CLSTN2: variants seen among roughly 807,000 people sequenced by gnomAD.
CLSTN2 encodes calsyntenin 2.
CLSTN2 carries 48 observed loss-of-function variants against 101.2 expected under a neutral mutation model. That is an observed-to-expected ratio of 0.47 (90% CI 0.38 to 0.60). The LOEUF is 0.60. Among genes scored for constraint, CLSTN2 ranks in the 20% least tolerant of loss-of-function variants. CLSTN2 has a pLI of 0.00. For missense variants in CLSTN2, 1,160 were observed against 1,238.2 expected (o/e 0.94, Z 0.95); for synonymous variants, 481 against 463.6 (o/e 1.04, Z -0.48).
intron 8 of CLSTN2, among the ~76,000 whole-genome samples, chr3:140,472,862 T>C (rs1342646880): frequency 6.6e-6 from 1 of 152,154 alleles, no homozygotes; most frequent in Non-Finnish European, 1.5e-5. Context: ...GTGAACCTAG[T>C]CTCTCTTTAT....
At chr3:140,243,631 AC>A (rs572758302) in intron 2 of CLSTN2, among the ~76,000 whole-genome samples, 82 of 152,312 alleles carry the variant, frequency 5.4e-4, no homozygotes, top group South Asian at 2.3e-3. Flanking sequence ...AAAGATCTCC[AC>A]TGTACTAGGC....
At chr3:140,159,496 G>T (rs1010932031) in intron 1 of CLSTN2, among the ~76,000 whole-genome samples, 1 of 152,046 alleles carries the variant, frequency 6.6e-6, no homozygotes, top group Non-Finnish European at 1.5e-5. Flanking sequence ...CATTACAATG[G>T]CTATTATAAA....
intron 1 of CLSTN2, among the ~76,000 whole-genome samples, chr3:140,041,801 G>A (rs186966078): frequency 3.7e-4 from 57 of 152,280 alleles, no homozygotes; most frequent in African/African-American, 1.3e-3. Context: ...CACAGAGGAA[G>A]GAAATTGTCT....
At chr3:140,203,198 T>C (rs1054938780) in intron 2 of CLSTN2, among the ~76,000 whole-genome samples, 1 of 152,184 alleles carries the variant, frequency 6.6e-6, no homozygotes, top group African/African-American at 2.4e-5. Flanking sequence ...AGTGATCAAG[T>C]GCTGCTGCTA....
chr3:140,286,123 C>T (rs1053969808), intron 2 of CLSTN2, among the ~76,000 whole-genome samples: 5 of 152,154 alleles, frequency 3.3e-5, no homozygotes, highest in African/African-American at 1.2e-4. Context: ...TCCCCAATTT[C>T]TGAGCAGCTG....
At chr3:140,474,504 C>T (rs764144354) in intron 8 of CLSTN2, among the ~76,000 whole-genome samples, 38 of 152,144 alleles carry the variant, frequency 2.5e-4, no homozygotes, top group Non-Finnish European at 5.4e-4. Flanking sequence ...GGTGCCAAAT[C>T]GCCTTACCTG....
chr3:140,306,656 G>T (rs1049667006), intron 2 of CLSTN2, among the ~76,000 whole-genome samples: 13 of 152,040 alleles, frequency 8.6e-5, no homozygotes, highest in African/African-American at 2.7e-4. Context: ...AGCTAGTTTT[G>T]CCTGGTCATT....
At chr3:140,379,075 C>T (rs2087951034) in intron 2 of CLSTN2, among the ~76,000 whole-genome samples, 3 of 152,210 alleles carry the variant, frequency 2.0e-5, no homozygotes, top group South Asian at 4.1e-4. Flanking sequence ...GCACATTCTG[C>T]TCCATTCCAA....
intron 1 of CLSTN2, among the ~76,000 whole-genome samples, chr3:140,014,761 G>A (rs1258283529): frequency 1.3e-5 from 2 of 152,330 alleles, no homozygotes; most frequent in South Asian, 2.1e-4. Flanking sequence ...GAGACAGGAT[G>A]AGATGGCAGA....
chr3:140,320,395 GGAGAA>G (rs2087271069), intron 2 of CLSTN2, among the ~76,000 whole-genome samples: 1 of 152,140 alleles, frequency 6.6e-6, no homozygotes, highest in Non-Finnish European at 1.5e-5. Context: ...CCTAGAAGAA[GGAGAA>G]GAGTGAGCGA....
At chr3:140,009,565 C>G (rs921112857) in intron 1 of CLSTN2, among the ~76,000 whole-genome samples, 1 of 152,136 alleles carries the variant, frequency 6.6e-6, no homozygotes, top group Admixed American at 6.5e-5. Context: ...GAGACCTGCT[C>G]ATTTCTTCTA....
At chr3:140,517,160 C>T (rs1429629976) in intron 8 of CLSTN2, among the ~76,000 whole-genome samples, 2 of 152,140 alleles carry the variant, frequency 1.3e-5, no homozygotes, top group African/African-American at 4.8e-5. Context: ...CTAAGTGTGT[C>T]CCTCCTCTCC....
At chr3:140,309,526 A>G (rs2087145134) in intron 2 of CLSTN2, among the ~76,000 whole-genome samples, 1 of 152,022 alleles carries the variant, frequency 6.6e-6, no homozygotes, top group Non-Finnish European at 1.5e-5. Context: ...AGTATCATGG[A>G]GGGCAAGTGT....
In CLSTN2 at chr3:140,534,966, C is replaced by T. The variant is rs147064983; in HGVS notation, c.1507+2480C>T. Among the ~76,000 whole-genome samples the T allele has an allele frequency of 8.5e-5, 13 of 152,296 alleles. No homozygotes were observed. In the East Asian group the frequency reaches 1.3e-3, roughly 16 times the overall value. ...TTCCAGGCTCAATGTCCAAGCTTTCCGAGTGATTTCTAGTGATCGCCTCAT... is the reference window on the plus strand; with the variant it reads ...TTCCAGGCTCAATGTCCAAGCTTTCTGAGTGATTTCTAGTGATCGCCTCAT... On this transcript the variant is annotated intron_variant, in intron 9 of 16. Transcript: ENST00000458420.
intron 9 of CLSTN2, among the ~76,000 whole-genome samples, chr3:140,535,784 T>C (rs349542): frequency 0.43 from 65,287 of 152,154 alleles, 16,982 homozygotes; most frequent in African/African-American, 0.72. Flanking sequence ...TACCCAAAGT[T>C]GCTCAATTGA....
intron 8 of CLSTN2, among the ~76,000 whole-genome samples, chr3:140,485,239 T>C (rs1934212075): frequency 6.6e-6 from 1 of 152,236 alleles, no homozygotes; most frequent in Non-Finnish European, 1.5e-5. Context: ...CCTGTTTTCC[T>C]GGGTATCAGC....
chr3:140,235,666 G>T (rs1343576763), intron 2 of CLSTN2, among the ~76,000 whole-genome samples: 1 of 152,168 alleles, frequency 6.6e-6, no homozygotes, highest in African/African-American at 2.4e-5. Flanking sequence ...TGTACCAGCA[G>T]ATTCCAGAGC....
chr3:139,990,790 C>T (rs1936101016), intron 1 of CLSTN2, among the ~76,000 whole-genome samples: 1 of 152,182 alleles, frequency 6.6e-6, no homozygotes, highest in Admixed American at 6.5e-5. Context: ...GTAGTTCTCA[C>T]TGTAATGGTT....
chr3:140,008,370 G>A (rs114553087), intron 1 of CLSTN2, among the ~76,000 whole-genome samples: 141 of 152,348 alleles, frequency 9.3e-4, no homozygotes, highest in African/African-American at 3.3e-3. Context: ...GGCTCAGGTC[G>A]CCTCTGCTCC....
Sources: gnomAD v4.1 joint callset for allele counts (sites outside exome capture counted in the v4.1 genomes callset) on GRCh38, gnomAD v4.1.1 for gene constraint, MANE v1.5 for transcripts, NCBI Gene and HGNC (gene_info 2026-07-23, HGNC 2026-07-21) for gene names.